The following LRGUK variants were observed in gnomAD, a reference collection of about 807,000 sequenced individuals.
LRGUK encodes leucine-rich repeat and guanylate kinase domain-containing protein.
Under a neutral mutation model 76.0 loss-of-function variants are expected in LRGUK, and 65 were observed. The ratio of observed to expected loss-of-function variants is 0.85; its 90% CI spans 0.70 to 1.05. The LOEUF (loss-of-function observed/expected upper bound fraction) is 1.05. Ranked by LOEUF, LRGUK falls within the 50% of genes least tolerant of loss-of-function variation. The probability of loss-of-function intolerance (pLI) is 0.00; values close to 1 mark genes in which losing one functional copy is unlikely to be tolerated. For missense variants in LRGUK, 758 were observed against 732.8 expected (o/e 1.03, Z -0.40); for synonymous variants, 268 against 265.6 (o/e 1.01, Z -0.09).
At chr7:134,234,875 G>A (rs931412049) in intron 16 of LRGUK, among the ~76,000 whole-genome samples, 4 of 151,414 alleles carry the variant, frequency 2.6e-5, no homozygotes, top group African/African-American at 9.7e-5. Flanking sequence ...CTTATTTGAT[G>A]CCAACTCTGT....
chr7:134,204,549 G>A (rs866502063), intron 15 of LRGUK, among the ~76,000 whole-genome samples: 1 of 151,988 alleles, frequency 6.6e-6, no homozygotes, highest in Admixed American at 6.6e-5. Context: ...TGTTTTTTTG[G>A]CATGTTTAGT....
chr7:134,209,944 G>T (rs1302731335), exon 16 of LRGUK: 1 of 399,172 alleles, frequency 2.5e-6, no homozygotes, highest in Non-Finnish European at 4.4e-6. Flanking sequence ...GGCTGCCCCA[G>T]AACTCGGGGA....
exon 16 of LRGUK, chr7:134,209,140 C>T (rs926811987): frequency 2.5e-6 from 1 of 399,278 alleles, no homozygotes; most frequent in Non-Finnish European, 4.4e-6. Flanking sequence ...CTCCTGTGCA[C>T]CCTTCCCCTC....
intron 10 of LRGUK, among the ~76,000 whole-genome samples, chr7:134,182,492 C>T (rs562887163): frequency 2.0e-5 from 3 of 152,152 alleles, no homozygotes; most frequent in Admixed American, 6.5e-5. Flanking sequence ...TGGCTCTTGG[C>T]GATACTGTTT....
intron 19 of LRGUK, among the ~76,000 whole-genome samples, chr7:134,263,599 T>C (rs1215153022): frequency 1.3e-5 from 2 of 151,772 alleles, no homozygotes; most frequent in Non-Finnish European, 1.5e-5. Context: ...TCCACTATTA[T>C]TCTTCCTTGA....
intron 1 of LRGUK, 54 bp downstream of exon 1, chr7:134,127,718 C>T: frequency 6.5e-7 from 1 of 1,539,094 alleles, no homozygotes; most frequent in Non-Finnish European, 8.8e-7. Flanking sequence ...AGCCCTGTTA[C>T]TTCAGCGGCA....
chr7:134,178,883 C>T (rs975546620), intron 10 of LRGUK, among the ~76,000 whole-genome samples: 1 of 121,724 alleles, frequency 8.2e-6, no homozygotes. Flanking sequence ...TTTTTCTGGC[C>T]ACTTGTATGG....
At position 134,176,389 on chromosome 7, in the gene LRGUK, A is replaced by G. The variant is rs144775673; in HGVS notation, c.1021-588A>G. 2.3e-3 allele frequency among the ~76,000 whole-genome samples: 349 copies of G among 151,256 alleles called. 2 individuals are homozygous for G. The highest frequency in any genetic ancestry group is 8.1e-3 in the African/African-American group (333 of 41,214). ...ATCCCAGAACTTAAAATTAAATTAA[A>G]TTTTTTTTTCGACAGAGTCTCCCTC... On this transcript the variant is annotated intron_variant, in intron 8 of 15. Coordinates refer to ENST00000645682, the Ensembl canonical transcript of LRGUK.
At chr7:134,177,036 T>A (rs1262491911) in exon 9 of LRGUK, 1 of 1,600,766 alleles carries the variant, frequency 6.2e-7, no homozygotes, top group Non-Finnish European at 8.5e-7. Context: ...CAGAATTAGA[T>A]CAGAAGAAGA....
chr7:134,159,561 C>T (rs960507022), intron 6 of LRGUK, among the ~76,000 whole-genome samples: 9 of 151,982 alleles, frequency 5.9e-5, no homozygotes, highest in Admixed American at 1.3e-4. Context: ...GAGGCTAAGG[C>T]GGGTGGATCA....
At chr7:134,212,296 T>C (rs1371566814), downstream of LRGUK, among the ~76,000 whole-genome samples, 1 of 152,198 alleles carries the variant, frequency 6.6e-6, no homozygotes, top group Non-Finnish European at 1.5e-5. Context: ...AAGAGGATAA[T>C]TGTGACTGAA....
chr7:134,257,731 G>C (rs549948048), intron 18 of LRGUK, among the ~76,000 whole-genome samples: 1 of 152,074 alleles, frequency 6.6e-6, no homozygotes, highest in Admixed American at 6.6e-5. Context: ...TTGAACCCAG[G>C]AGGTGGAGGT....
At chr7:134,128,017 G>C (rs377298784) in intron 1 of LRGUK, among the ~76,000 whole-genome samples, 1 of 151,190 alleles carries the variant, frequency 6.6e-6, no homozygotes, top group Non-Finnish European at 1.5e-5. Flanking sequence ...AATAGGCAGA[G>C]TTCATCTCTG....
chr7:134,188,084 G>A (rs752379111), intron 11 of LRGUK, among the ~76,000 whole-genome samples: 5 of 152,302 alleles, frequency 3.3e-5, no homozygotes, highest in Non-Finnish European at 7.4e-5. Context: ...ATCGAGCACT[G>A]TGCAAATGCT....
intron 16 of LRGUK, among the ~76,000 whole-genome samples, chr7:134,222,626 T>TTTTTTTTTTTTTTTTTTTG (rs1255868737): frequency 6.6e-6 from 1 of 152,074 alleles, no homozygotes; most frequent in African/African-American, 2.4e-5. Flanking sequence ...TTTTTTTTTT[T>TTTTTTTTTTTTTTTTTTTG]GAGACGGAGT....
chr7:134,191,755 A>G lies in LRGUK; in HGVS notation c.1431+4A>G. ...TTTTGATGAAATGGTGAACATGGTAAGAATGTTTGCCTTTGTTTTTATTGC... is the reference window on the plus strand; with the variant it reads ...TTTTGATGAAATGGTGAACATGGTAGGAATGTTTGCCTTTGTTTTTATTGC... On this transcript the variant is annotated splice_donor_region_variant and intron_variant, in intron 12 of 15. Coordinates refer to ENST00000645682, the Ensembl canonical transcript of LRGUK. 6.3e-7 allele frequency: 1 copy of G among 1,586,820 alleles called. No individual in the cohort carries two copies. The highest frequency in any genetic ancestry group is 8.6e-7 in the Non-Finnish European group (1 of 1,157,942).
chr7:134,257,414 C>A (rs974169328), intron 18 of LRGUK, among the ~76,000 whole-genome samples: 1 of 152,120 alleles, frequency 6.6e-6, no homozygotes, highest in East Asian at 1.9e-4. Context: ...AGTGAAGAAA[C>A]AGGTGAATCC....
At chr7:134,143,903 TC>T (rs138413053) in intron 4 of LRGUK, among the ~76,000 whole-genome samples, 19,708 of 152,164 alleles carry the variant, frequency 0.13, 1,619 homozygotes, top group East Asian at 0.32. Flanking sequence ...CTAAAAACCT[TC>T]CTGATGATGT....
intron 18 of LRGUK, among the ~76,000 whole-genome samples, chr7:134,257,285 A>G (rs555191865): frequency 6.6e-6 from 1 of 152,322 alleles, no homozygotes; most frequent in Admixed American, 6.5e-5. Context: ...AGATTCTCCA[A>G]TGACAGCAAA....
Sources: gnomAD v4.1 joint callset for allele counts (sites outside exome capture counted in the v4.1 genomes callset) on GRCh38, gnomAD v4.1.1 for gene constraint, MANE v1.5 for transcripts, NCBI Gene and HGNC (gene_info 2026-07-23, HGNC 2026-07-21) for gene names.